The following HLTF variants were observed in gnomAD, a reference collection of about 807,000 sequenced individuals.
The protein encoded by HLTF is DNA-dependent ATPase/E3 ubiquitin-protein ligase HLTF.
Under a neutral mutation model 129.4 loss-of-function variants are expected in HLTF, and 127 were observed. The ratio of observed to expected loss-of-function variants is 0.98; its 90% confidence interval spans 0.85 to 1.14. HLTF has a LOEUF of 1.14. HLTF is among the 50% of genes most tolerant of loss of function. The pLI, the probability that HLTF is intolerant of heterozygous loss-of-function variation, is 0.00. For missense variants in HLTF, 1,139 were observed against 1,187.1 expected (o/e 0.96, Z 0.60); for synonymous variants, 332 against 388.8 (o/e 0.85, Z 1.72).
chr3:149,039,967 C>T (rs1365835591), intron 21 of HLTF, 64 bp downstream of exon 21: 1 of 1,374,914 alleles, frequency 7.3e-7, no homozygotes, highest in Non-Finnish European at 1.0e-6. Flanking sequence ...TTTTGATATA[C>T]TGTGTATATT....
chr3:149,086,248 A>C, intron 1 of HLTF, 69 bp downstream of exon 1: 1 of 1,471,496 alleles, frequency 6.8e-7, no homozygotes, highest in Non-Finnish European at 9.4e-7. Flanking sequence ...AACGCGGGGA[A>C]GGTCAGGTTC....
intron 5 of HLTF, among the ~76,000 whole-genome samples, chr3:149,072,311 A>G (rs778085213): frequency 2.0e-5 from 3 of 152,204 alleles, no homozygotes; most frequent in Non-Finnish European, 4.4e-5. Flanking sequence ...CTATAAAATG[A>G]AAGGGATGAA....
chr3:149,066,516 T>C (rs1718392228), intron 8 of HLTF, among the ~76,000 whole-genome samples: 3 of 152,026 alleles, frequency 2.0e-5, no homozygotes, highest in African/African-American at 7.3e-5. Flanking sequence ...TAAACATACT[T>C]GAAAGAGTGA....
At position 149,060,700 on chromosome 3, in the gene HLTF, C is replaced by A. The variant is rs766295055; in HGVS notation, c.1241-13G>T. ...TTTTTCAGTTTGCCTAAAAATAAAA[C>A]AAAAATAAACATAAAAATGGGCAAA... On this transcript the variant is annotated splice_polypyrimidine_tract_variant and intron_variant, in intron 11 of 24. Transcript: ENST00000310053. The A allele has an allele frequency of 1.8e-5, 29 of 1,612,316 alleles. 1 individual carries two copies. Among genetic ancestry groups the A allele is most frequent in the Admixed American group, 8.4e-5 (5 of 59,814 alleles).
intron 20 of HLTF, among the ~76,000 whole-genome samples, chr3:149,040,631 C>T (rs1716051924): frequency 1.3e-5 from 2 of 151,930 alleles, no homozygotes; most frequent in South Asian, 4.1e-4. Context: ...TCTGTTGTAC[C>T]CGTTTGAACC....
chr3:149,064,618 C>T (rs1253877685), intron 9 of HLTF, among the ~76,000 whole-genome samples, 173 bp downstream of exon 9: 1 of 152,030 alleles, frequency 6.6e-6, no homozygotes, highest in Non-Finnish European at 1.5e-5. Flanking sequence ...GAAACCTTTC[C>T]TATCAGTACT....
chr3:149,054,691 G>GA (rs200461348), intron 14 of HLTF, among the ~76,000 whole-genome samples: 3 of 150,300 alleles, frequency 2.0e-5, no homozygotes, highest in South Asian at 2.1e-4. Flanking sequence ...AAGCAATCTG[G>GA]AAAAAAAAAA....
chr3:149,037,530 C>T (rs1715757497), intron 23 of HLTF, among the ~76,000 whole-genome samples: 1 of 151,724 alleles, frequency 6.6e-6, no homozygotes, highest in Non-Finnish European at 1.5e-5. Flanking sequence ...GATATTCACC[C>T]ATGAAGGCCT....
At chr3:149,075,854 T>G in intron 3 of HLTF, 27 bp downstream of exon 3, 2 of 1,538,892 alleles carry the variant, frequency 1.3e-6, no homozygotes, top group Non-Finnish European at 1.8e-6. Flanking sequence ...TCACAATTAT[T>G]AAAACTAAAT....
At chr3:149,058,521 T>C (rs1281631025) in intron 13 of HLTF, among the ~76,000 whole-genome samples, 1 of 152,256 alleles carries the variant, frequency 6.6e-6, no homozygotes, top group African/African-American at 2.4e-5. Context: ...AGTTCTTACA[T>C]AGTCTAGAAT....
intron 2 of HLTF, among the ~76,000 whole-genome samples, chr3:149,077,276 A>AATT (rs1719456828): frequency 2.0e-5 from 3 of 149,634 alleles, no homozygotes; most frequent in African/African-American, 4.9e-5. Context: ...ATAAATAAAT[A>AATT]AATAAATAAA....
chr3:149,053,265 G>A (rs1026595065), intron 14 of HLTF, among the ~76,000 whole-genome samples: 2 of 152,134 alleles, frequency 1.3e-5, no homozygotes, highest in Non-Finnish European at 2.9e-5. Context: ...TTGGATGAGG[G>A]GCCTGGAGGT....
intron 8 of HLTF, among the ~76,000 whole-genome samples, chr3:149,067,842 T>C (rs1718527428): frequency 6.6e-6 from 1 of 152,148 alleles, no homozygotes; most frequent in Non-Finnish European, 1.5e-5. Context: ...ATACAAATTA[T>C]CAATTGTTCT....
At chr3:149,044,103 A>G (rs1461396988) in intron 18 of HLTF, among the ~76,000 whole-genome samples, 3 of 152,130 alleles carry the variant, frequency 2.0e-5, no homozygotes, top group Non-Finnish European at 4.4e-5. Context: ...GTGTGACAAC[A>G]GTGTAAGTCA....
At chr3:149,036,317 T>A (rs1409072346) in intron 23 of HLTF, among the ~76,000 whole-genome samples, 11 of 147,178 alleles carry the variant, frequency 7.5e-5, no homozygotes, top group Admixed American at 6.8e-5. Flanking sequence ...TGAGATGGAG[T>A]CTCGCTCTGT....
At chr3:149,047,605 G>C (rs1716653529) in intron 17 of HLTF, among the ~76,000 whole-genome samples, 1 of 152,112 alleles carries the variant, frequency 6.6e-6, no homozygotes, top group Admixed American at 6.6e-5. Flanking sequence ...TCGCGCCACT[G>C]CCCTCCAGCA....
intron 12 of HLTF, among the ~76,000 whole-genome samples, chr3:149,060,305 T>C (rs1051247761): frequency 1.1e-4 from 17 of 152,146 alleles, no homozygotes; most frequent in Non-Finnish European, 1.5e-5. Context: ...ACAATAATAG[T>C]ATTGCCAGGA....
chr3:149,063,566 G>A, intron 9 of HLTF, 42 bp from the exon 10 acceptor site: 1 of 1,219,662 alleles, frequency 8.2e-7, no homozygotes, highest in Non-Finnish European at 1.2e-6. Flanking sequence ...TTAGTAAGGT[G>A]TCTTAGAAAC....
chr3:149,038,664 A>T (rs116450854), intron 23 of HLTF, among the ~76,000 whole-genome samples: 126 of 152,122 alleles, frequency 8.3e-4, no homozygotes, highest in African/African-American at 2.9e-3. Flanking sequence ...AAACCACTAC[A>T]CCAGAGTAAC....
Sources: allele counts gnomAD v4.1 joint callset (sites outside exome capture counted in the v4.1 genomes callset), GRCh38; gene constraint gnomAD v4.1.1; transcripts MANE v1.5; gene names NCBI Gene and HGNC (gene_info 2026-07-23, HGNC 2026-07-21).